The following STK10 variants were observed in gnomAD, a reference collection of about 807,000 sequenced individuals.
STK10 encodes the protein serine/threonine kinase 10.
STK10 carries 78 observed loss-of-function variants against 113.8 expected under a neutral mutation model. The observed-to-expected ratio is 0.69, with a 90% CI of 0.57 to 0.83. The LOEUF (loss-of-function observed/expected upper bound fraction) is 0.83, where lower values mean the gene tolerates loss of function less well. Ranked by LOEUF, STK10 falls within the 40% of genes least tolerant of loss-of-function variation. STK10 has a pLI of 0.00. For missense variants in STK10, 1,109 were observed against 1,280.1 expected (o/e 0.87, Z 2.04); for synonymous variants, 465 against 494.7 (o/e 0.94, Z 0.80).
chr5:172,100,872 T>C (rs1453953687), intron 7 of STK10, among the ~76,000 whole-genome samples: 4 of 152,214 alleles, frequency 2.6e-5, no homozygotes, highest in African/African-American at 7.2e-5. Flanking sequence ...CTCTCCCTTC[T>C]GGTCTTCTTC....
chr5:172,073,874 A>C (rs1315674077), intron 12 of STK10, among the ~76,000 whole-genome samples: 1 of 150,790 alleles, frequency 6.6e-6, no homozygotes, highest in Non-Finnish European at 1.5e-5. Context: ...CTGAGGCAAG[A>C]GAAACGCTTG....
intron 2 of STK10, among the ~76,000 whole-genome samples, chr5:172,141,252 A>G (rs1378471703): frequency 6.6e-6 from 1 of 152,224 alleles, no homozygotes; most frequent in Non-Finnish European, 1.5e-5. Flanking sequence ...TTTAAAGGGT[A>G]GTCTCACGCT....
chr5:172,135,978 G>A (rs1026603124), intron 2 of STK10, among the ~76,000 whole-genome samples: 5 of 150,978 alleles, frequency 3.3e-5, no homozygotes, highest in African/African-American at 7.3e-5. Context: ...AGTGAGCCGA[G>A]ATCACACCAC....
chr5:172,064,843 T>C, intron 12 of STK10, 31 bp from the exon 13 acceptor site: 1 of 1,609,392 alleles, frequency 6.2e-7, no homozygotes, highest in Non-Finnish European at 8.5e-7. Context: ...AGTAGCTGGG[T>C]CAGGGTCCTC....
At chr5:172,163,887 G>A (rs548872933) in intron 1 of STK10, among the ~76,000 whole-genome samples, 96 of 152,006 alleles carry the variant, frequency 6.3e-4, no homozygotes, top group African/African-American at 2.2e-3. Context: ...TCAGAATACC[G>A]CGCTCCCTCT....
In STK10 at chr5:172,096,526, G is replaced by T. The variant is rs758281813; in HGVS notation, c.905C>A (p.Ala302Asp). The T allele has an allele frequency of 6.2e-7, 1 of 1,613,656 alleles. No individual in the cohort carries two copies. The highest frequency in any genetic ancestry group is 1.3e-5 in the African/African-American group (1 of 75,034). The change falls in exon 8 of 19, where the codon GCT becomes GAT. Residue 302 changes from alanine (A) to aspartate (D), a missense_variant. Around this residue, in one of 5 missense-constraint regions of STK10, gnomAD observed 885 missense variants for 991.1 expected, o/e 0.89. Transcript: ENST00000176763. ...GGCCTCAGCCACCAGCTCCCGCAGA[G>T]CCTTGTTACTGGTGATGCTGCTGAC... is the stretch of plus-strand genomic sequence containing the variant. ...PFVSSITSNK[A>D]LRELVAEAKA...
chr5:172,113,083 A>G (rs1236419989), intron 4 of STK10, among the ~76,000 whole-genome samples: 2 of 152,132 alleles, frequency 1.3e-5, no homozygotes, highest in Non-Finnish European at 2.9e-5. Flanking sequence ...GATAGAGTGT[A>G]TTGTTTCTAT....
chr5:172,162,062 C>T lies in STK10; in HGVS notation c.157-5274G>A, dbSNP rs190898416. ...CTCAATTTTGAAAGCTTGTTTAGGC[C>T]GGGCGCAGTGGCTCACGATTGTAAT... On this transcript the variant is annotated intron_variant, in intron 1 of 18. Transcript: ENST00000176763. Among the ~76,000 whole-genome samples, 8 of 152,266 alleles carry T rather than the reference C, an allele frequency of 5.3e-5. No individual in the cohort carries two copies. In the East Asian group the frequency reaches 5.8e-4, roughly 11 times the overall value.
chr5:172,140,471 T>C (rs940052584), intron 2 of STK10, among the ~76,000 whole-genome samples: 2 of 152,090 alleles, frequency 1.3e-5, no homozygotes, highest in Non-Finnish European at 2.9e-5. Flanking sequence ...CCGAGGCAGG[T>C]GGATCACCTG....
At position 172,137,531 on chromosome 5, in the gene STK10, CAACA is replaced by C. The variant is rs1769887909; in HGVS notation, c.322-10114_322-10111del. 2.6e-5 allele frequency among the ~76,000 whole-genome samples: 4 copies of C among 151,832 alleles called. No individual in the cohort carries two copies. The South Asian group carries it at 8.3e-4, about 32-fold the overall frequency. On this transcript the variant is annotated intron_variant, in intron 2 of 18. Transcript: ENST00000176763. Reference sequence around the variant, plus strand: ...TAAACACCACTTCATGAGAAATACTCAACAAACAAAATAGAAGAAAACAACCTCA... The same window carrying C: ...TAAACACCACTTCATGAGAAATACTCAACAAAATAGAAGAAAACAACCTCA...
intron 3 of STK10, among the ~76,000 whole-genome samples, chr5:172,123,879 C>T (rs1029235889): frequency 3.9e-5 from 6 of 152,114 alleles, no homozygotes; most frequent in African/African-American, 1.2e-4. Context: ...ACACAGAGGA[C>T]AGTGGGGCCA....
chr5:172,141,266 T>C (rs1769966864), intron 2 of STK10, among the ~76,000 whole-genome samples: 1 of 152,180 alleles, frequency 6.6e-6, no homozygotes, highest in African/African-American at 2.4e-5. Flanking sequence ...TCACGCTAAG[T>C]GTTCTTATCA....
intron 1 of STK10, among the ~76,000 whole-genome samples, chr5:172,168,707 G>C (rs1356461428): frequency 6.6e-6 from 1 of 152,198 alleles, no homozygotes; most frequent in Non-Finnish European, 1.5e-5. Context: ...CAGAGAAACT[G>C]ACTTGTCCCA....
chr5:172,144,060 C>T (rs923508874), intron 2 of STK10, among the ~76,000 whole-genome samples: 2 of 152,200 alleles, frequency 1.3e-5, no homozygotes, highest in Non-Finnish European at 2.9e-5. Flanking sequence ...CGTGGCATGG[C>T]GCTAAGTGTT....
chr5:172,149,495 C>CGTGTGTGTGTGTGTGTGTGT (rs3839238), intron 2 of STK10, among the ~76,000 whole-genome samples: 2 of 149,262 alleles, frequency 1.3e-5, no homozygotes, highest in African/African-American at 4.9e-5. Flanking sequence ...ACAAAGTGCT[C>CGTGTGTGTGTGTGTGTGTGT]GTGTGTGTGT....
intron 1 of STK10, among the ~76,000 whole-genome samples, chr5:172,169,007 C>T (rs1459697795): frequency 1.3e-5 from 2 of 152,140 alleles, no homozygotes; most frequent in Non-Finnish European, 2.9e-5. Flanking sequence ...TCCCGCCATT[C>T]CCTCTCACTC....
chr5:172,118,888 A>AAAAAAAAAAAAAC (rs1769444066), intron 3 of STK10, among the ~76,000 whole-genome samples: 1 of 151,302 alleles, frequency 6.6e-6, no homozygotes, highest in African/African-American at 2.4e-5. Context: ...CAAAAAAAAA[A>AAAAAAAAAAAAAC]AAAAAAAAAG....
intron 12 of STK10, among the ~76,000 whole-genome samples, chr5:172,068,092 G>C (rs537239384): frequency 1.3e-5 from 2 of 152,364 alleles, no homozygotes; most frequent in South Asian, 4.1e-4. Flanking sequence ...TGTAATCCCA[G>C]CACTTGGGGA....
In STK10 at chr5:172,148,572, C is replaced by T. The variant is rs147874472; in HGVS notation, c.321+8052G>A. 8.7e-3 allele frequency among the ~76,000 whole-genome samples: 1,318 copies of T among 152,360 alleles called. 8 individuals carry two copies. Among genetic ancestry groups the T allele is most frequent in the African/African-American group, 0.013 (522 of 41,596 alleles). On this transcript the variant is annotated intron_variant, in intron 2 of 18. Transcript: ENST00000176763. Reference sequence around the variant, plus strand: ...GCTCCATCTGCTCTGGGCCACCAACCGCACCCGGGTCACTGCCCAAGGGAG... The same window carrying T: ...GCTCCATCTGCTCTGGGCCACCAACTGCACCCGGGTCACTGCCCAAGGGAG...
Sources: gnomAD v4.1 joint callset for allele counts (sites outside exome capture counted in the v4.1 genomes callset) on GRCh38, gnomAD v4.1.1 for gene constraint, gnomAD v4.1.1 regional missense constraint, MANE v1.5 for transcripts, NCBI Gene and HGNC (gene_info 2026-07-23, HGNC 2026-07-21) for gene names.